Variants in DOCK3 observed in about 807,000 individuals in gnomAD.
DOCK3 encodes the protein dedicator of cytokinesis 3.
A neutral mutation model predicts 265.6 loss-of-function variants in DOCK3; 60 were observed. The ratio of observed to expected loss-of-function variants is 0.23; its 90% CI spans 0.18 to 0.28. The LOEUF (loss-of-function observed/expected upper bound fraction) is 0.28. Among genes scored for constraint, DOCK3 ranks in the 10% least tolerant of loss-of-function variants. The probability of loss-of-function intolerance (pLI) is 1.00; values close to 1 mark genes in which losing one functional copy is unlikely to be tolerated. For missense variants in DOCK3, 1,981 were observed against 2,594.3 expected, an observed-to-expected ratio of 0.76 and a Z score of 5.14; for synonymous variants, 881 against 938.0, an observed-to-expected ratio of 0.94 and a Z score of 1.11.
intron 7 of DOCK3, among the ~76,000 whole-genome samples, chr3:51,079,131 A>G (rs953042121): frequency 3.3e-5 from 5 of 152,204 alleles, no homozygotes; most frequent in Non-Finnish European, 7.3e-5. Context: ...AAGACTTTAT[A>G]TGAAACTTTC....
At chr3:50,771,023 A>G (rs1202990523) in intron 1 of DOCK3, among the ~76,000 whole-genome samples, 1 of 152,254 alleles carries the variant, frequency 6.6e-6, no homozygotes, top group East Asian at 1.9e-4. Context: ...GAAAATCTCC[A>G]GGATATTGGT....
chr3:51,016,548 T>G (rs1435100781), intron 5 of DOCK3, among the ~76,000 whole-genome samples: 1 of 15,888 alleles, frequency 6.3e-5, no homozygotes, highest in Non-Finnish European at 8.7e-5. Context: ...TATATATATT[T>G]ATATATATCA....
chr3:50,976,146 G>A (rs1482597299), intron 5 of DOCK3, among the ~76,000 whole-genome samples: 2 of 132,894 alleles, frequency 1.5e-5, no homozygotes, highest in Admixed American at 8.0e-5. Flanking sequence ...ATTTCCTTCA[G>A]TTCTGCTCTG....
intron 5 of DOCK3, among the ~76,000 whole-genome samples, chr3:50,984,161 T>C (rs2077807905): frequency 6.6e-6 from 1 of 152,180 alleles, no homozygotes; most frequent in Admixed American, 6.5e-5. Context: ...AAGCGCAGCC[T>C]GCCAGGCTGA....
chr3:50,978,145 G>A (rs1259187197), intron 5 of DOCK3, among the ~76,000 whole-genome samples: 13 of 151,500 alleles, frequency 8.6e-5, no homozygotes, highest in Non-Finnish European at 1.0e-4. Context: ...CTCTCAGCTC[G>A]TCAAAGTCAT....
chr3:51,165,889 G>A (rs1005257655), intron 12 of DOCK3, among the ~76,000 whole-genome samples: 1 of 150,996 alleles, frequency 6.6e-6, no homozygotes, highest in Non-Finnish European at 1.5e-5. Flanking sequence ...TATCTCAGTG[G>A]CCATCTCAAG....
intron 2 of DOCK3, among the ~76,000 whole-genome samples, chr3:50,804,114 AGAGGCGCTCCCCACATCTCAGAT>A (rs1471945822): frequency 6.7e-6 from 1 of 148,248 alleles, no homozygotes; most frequent in East Asian, 2.0e-4. Flanking sequence ...GCGGCGGGGC[AGAGGCGCTCCCCACATCTCAGAT>A]GATGGGGGGC....
intron 12 of DOCK3, among the ~76,000 whole-genome samples, chr3:51,172,985 A>AT (rs1254990309): frequency 6.6e-6 from 1 of 152,236 alleles, no homozygotes; most frequent in Non-Finnish European, 1.5e-5. Context: ...TGTTGTAACC[A>AT]TTAACAAATT....
chr3:50,990,257 T>C (rs945000944), intron 5 of DOCK3, among the ~76,000 whole-genome samples: 11 of 152,186 alleles, frequency 7.2e-5, no homozygotes, highest in African/African-American at 2.7e-4. Context: ...CATGAAAACT[T>C]CCCAACCTTG....
chr3:50,949,044 A>C (rs983433032), intron 5 of DOCK3, among the ~76,000 whole-genome samples: 1 of 152,214 alleles, frequency 6.6e-6, no homozygotes, highest in African/African-American at 2.4e-5. Flanking sequence ...CATATGGAGG[A>C]AAAAATGAAC....
intron 3 of DOCK3, among the ~76,000 whole-genome samples, chr3:50,864,503 A>T (rs140958184): frequency 0.011 from 1,732 of 152,232 alleles, 35 homozygotes; most frequent in Non-Finnish European, 0.013. Context: ...GGCTTCCCCA[A>T]CAATTTTTGC....
intron 3 of DOCK3, among the ~76,000 whole-genome samples, chr3:50,844,559 C>G (rs925708583): frequency 6.6e-6 from 1 of 152,064 alleles, no homozygotes; most frequent in African/African-American, 2.4e-5. Flanking sequence ...AACAGTTCTT[C>G]CTATAAAAGT....
At chr3:50,689,876 T>C (rs1028148393) in intron 1 of DOCK3, among the ~76,000 whole-genome samples, 3 of 152,190 alleles carry the variant, frequency 2.0e-5, no homozygotes, top group Non-Finnish European at 4.4e-5. Flanking sequence ...GAGCCCTGCT[T>C]TATCAGATAG....
chr3:50,861,640 A>G (rs2046913387), intron 3 of DOCK3, among the ~76,000 whole-genome samples: 1 of 151,650 alleles, frequency 6.6e-6, no homozygotes, highest in Non-Finnish European at 1.5e-5. Flanking sequence ...AGATAGTTAA[A>G]TCTTCTTTTG....
chr3:51,357,034 A>G lies in DOCK3; in HGVS notation c.4576A>G (p.Ser1526Gly). 1 of 1,613,450 alleles carries G rather than the reference A, an allele frequency of 6.2e-7. No homozygotes were observed. Among genetic ancestry groups the G allele is most frequent in the East Asian group, 2.2e-5 (1 of 44,868 alleles). The part of the protein sequence containing the change: ...NKNQELRSLI[S>G]QYQHKQVHGN... ...GAACCAGGAGCTACGCTCCCTGATCAGCCAGTATCAACACAAGCAGGTGCA... is the reference window on the plus strand; with the variant it reads ...GAACCAGGAGCTACGCTCCCTGATCGGCCAGTATCAACACAAGCAGGTGCA... Residue 1526 changes from serine (S) to glycine (G), a missense_variant, in exon 44 of 53, where the codon AGC (serine) becomes GGC (glycine). Around this residue, in one of 4 missense-constraint regions of DOCK3, gnomAD observed 1,357 missense variants for 1,866.8 expected, o/e 0.73. Coordinates refer to ENST00000266037, the MANE Select transcript of DOCK3 (RefSeq NM_004947.5).
At chr3:51,329,409 G>A (rs1383251) in intron 32 of DOCK3, among the ~76,000 whole-genome samples, 127,466 of 152,118 alleles carry the variant, frequency 0.84, 53,681 homozygotes, top group East Asian at 0.94. Flanking sequence ...AATCAAGCAC[G>A]GGTATCCCCT....
intron 1 of DOCK3, among the ~76,000 whole-genome samples, chr3:50,729,281 C>T (rs1263169823): frequency 4.8e-5 from 7 of 146,314 alleles, no homozygotes; most frequent in Admixed American, 1.4e-4. Flanking sequence ...GTGATTGCGG[C>T]GCTGCACTCC....
chr3:51,186,876 G>A (rs1390289151), intron 12 of DOCK3, among the ~76,000 whole-genome samples: 1 of 152,242 alleles, frequency 6.6e-6, no homozygotes, highest in Non-Finnish European at 1.5e-5. Context: ...GAGGATGTAT[G>A]GAAATGCCTG....
At chr3:50,729,014 G>A (rs1331025856) in intron 1 of DOCK3, among the ~76,000 whole-genome samples, 11 of 136,596 alleles carry the variant, frequency 8.1e-5, no homozygotes, top group South Asian at 2.7e-4. Flanking sequence ...GTGAGCCACC[G>A]TGCCTGGCCT....
Sources: gnomAD v4.1 joint callset for allele counts (sites outside exome capture counted in the v4.1 genomes callset) on GRCh38, gnomAD v4.1.1 for gene constraint, gnomAD v4.1.1 regional missense constraint, MANE v1.5 for transcripts, NCBI Gene and HGNC (gene_info 2026-07-23, HGNC 2026-07-21) for gene names.